Variants in ARLN observed in about 807,000 individuals in gnomAD.
ARLN encodes the protein allregulin, also known as sarcoplasmic/endoplasmic reticulum calcium ATPase regulator ARLN.
chr4:119,304,292 G>GTTTT, the ARLN span: 2 of 1,537,084 alleles, frequency 1.3e-6, no homozygotes, highest in East Asian at 4.9e-5. Flanking sequence ...TCTATGTCAT[G>GTTTT]TTTTCTTCTT....
At chr4:119,301,097 C>T in the ARLN span, among the ~76,000 whole-genome samples, 4 of 151,932 alleles carry the variant, frequency 2.6e-5, no homozygotes, top group African/African-American at 9.7e-5. Context: ...GAGCATTTTG[C>T]AGGTACTTCA....
At chr4:119,297,828 T>C in the ARLN span, 3 of 152,622 alleles carry the variant, frequency 2.0e-5, no homozygotes, top group Non-Finnish European at 4.4e-5. Context: ...TTTGATTAAA[T>C]ACTAGCTGAT....
chr4:119,304,341 G>T, the ARLN span: 1 of 1,536,636 alleles, frequency 6.5e-7, no homozygotes, highest in South Asian at 1.2e-5. Flanking sequence ...GGCAGTGAAT[G>T]AAGTATTTGT....
At chr4:119,297,947 C>G in the ARLN span, 1 of 152,574 alleles carries the variant, frequency 6.6e-6, no homozygotes, top group Admixed American at 6.5e-5. Context: ...ACTGCTGTGT[C>G]TAAAATAATG....
chr4:119,303,164 A>T, the ARLN span, among the ~76,000 whole-genome samples: 7 of 151,838 alleles, frequency 4.6e-5, no homozygotes, highest in African/African-American at 1.5e-4. Context: ...GATTGGTACC[A>T]CAGGTTATTT....
At chr4:119,300,584 T>A in the ARLN span, 1 of 1,613,518 alleles carries the variant, frequency 6.2e-7, no homozygotes, top group African/African-American at 1.3e-5. Context: ...AATGCTTAAG[T>A]TCCCGGACTT....
At chr4:119,303,146 A>G in the ARLN span, among the ~76,000 whole-genome samples, 1 of 151,670 alleles carries the variant, frequency 6.6e-6, no homozygotes, top group East Asian at 1.9e-4. Context: ...CCTAGCAACA[A>G]CCCTGTTGAT....
At chr4:119,299,996 C>G in the ARLN span, among the ~76,000 whole-genome samples, 1 of 152,026 alleles carries the variant, frequency 6.6e-6, no homozygotes, top group Non-Finnish European at 1.5e-5. Context: ...TACTAATGGT[C>G]CCAAATGGCA....
chr4:119,300,894 C>T, the ARLN span: 18 of 1,199,312 alleles, frequency 1.5e-5, no homozygotes, highest in East Asian at 4.1e-4. Context: ...TGGACTCCTC[C>T]CTGAAACTGC....
the ARLN span, chr4:119,300,302 C>T: frequency 1.3e-6 from 2 of 1,560,260 alleles, no homozygotes; most frequent in South Asian, 1.1e-5. Context: ...CTCTAAGCTC[C>T]TTACCACCCC....
At chr4:119,303,231 C>CT in the ARLN span, among the ~76,000 whole-genome samples, 307 of 111,328 alleles carry the variant, frequency 2.8e-3, 2 homozygotes, top group African/African-American at 8.3e-3. Flanking sequence ...CTCTTCAATT[C>CT]TTTTTTTTTT....
At chr4:119,300,519 G>A in the ARLN span, 5 of 1,613,898 alleles carry the variant, frequency 3.1e-6, no homozygotes, top group African/African-American at 1.3e-5. Flanking sequence ...ATCAACACCC[G>A]GTGCGTCCAC....
At chr4:119,300,581 A>G in the ARLN span, 3 of 1,613,832 alleles carry the variant, frequency 1.9e-6, no homozygotes, top group Non-Finnish European at 2.5e-6. Context: ...GAAAATGCTT[A>G]AGTTCCCGGA....
chr4:119,303,231 CTTTTTTTTTT>C, the ARLN span, among the ~76,000 whole-genome samples: 1 of 111,368 alleles, frequency 9.0e-6, no homozygotes, highest in Non-Finnish European at 1.8e-5. Context: ...CTCTTCAATT[CTTTTTTTTTT>C]TTTTTTTTTG....
At chr4:119,302,862 G>A in the ARLN span, among the ~76,000 whole-genome samples, 3 of 152,192 alleles carry the variant, frequency 2.0e-5, no homozygotes, top group Non-Finnish European at 2.9e-5. Flanking sequence ...TGAACTTCAA[G>A]TGCAATAAGT....
the ARLN span, chr4:119,300,218 C>T: frequency 6.0e-6 from 5 of 834,900 alleles, no homozygotes; most frequent in Middle Eastern, 2.3e-4. Context: ...CGCCACTCAC[C>T]AGCTGTGTGA....
the ARLN span, chr4:119,300,632 C>A: frequency 2.5e-6 from 4 of 1,588,314 alleles, no homozygotes; most frequent in East Asian, 6.9e-5. Flanking sequence ...GGAGTCCGGC[C>A]GCCTGCGCAG....
the ARLN span, among the ~76,000 whole-genome samples, chr4:119,299,735 C>T: frequency 7.2e-5 from 11 of 152,234 alleles, no homozygotes; most frequent in East Asian, 2.1e-3. Flanking sequence ...GGCAAAGTGT[C>T]TCAGGTTTCT....
the ARLN span, chr4:119,300,337 A>G: frequency 6.2e-7 from 1 of 1,607,076 alleles, no homozygotes; most frequent in African/African-American, 1.3e-5. Flanking sequence ...GATACTCACC[A>G]TGGCAAAAAA....
Sources: gnomAD v4.1 joint callset for allele counts (sites outside exome capture counted in the v4.1 genomes callset) on GRCh38, gnomAD v4.1.1 for gene constraint, MANE v1.5 for transcripts, NCBI Gene and HGNC (gene_info 2026-07-23, HGNC 2026-07-21) for gene names.